The following EPHX2 variants were observed in gnomAD, a reference collection of about 807,000 sequenced individuals.
EPHX2 encodes the protein epoxide hydrolase 2, also known as bifunctional epoxide hydrolase 2.
EPHX2 carries 74 observed loss-of-function variants against 78.7 expected under a neutral mutation model. That is an observed-to-expected ratio of 0.94 (90% CI 0.78 to 1.14). The LOEUF is 1.14. EPHX2 is among the 50% of genes most tolerant of loss of function. The pLI, the probability that EPHX2 is intolerant of heterozygous loss-of-function variation, is 0.00. For synonymous variants in EPHX2, 251 were observed against 255.2 expected, an observed-to-expected ratio of 0.98 and a Z score of 0.16; for missense variants, 715 against 702.5, an observed-to-expected ratio of 1.02 and a Z score of -0.20.
At chr8:27,542,806 G>A (rs1405779732) in intron 16 of EPHX2, among the ~76,000 whole-genome samples, 2 of 151,956 alleles carry the variant, frequency 1.3e-5, no homozygotes, top group African/African-American at 2.4e-5. Flanking sequence ...CACACCCAGC[G>A]AATTTTTTGT....
Position 27,541,478 on chromosome 8 carries a change from C to A in EPHX2, c.1385C>A (p.Pro462His), listed in dbSNP as rs1268059740. ...QQFKKSGFRG[P>H]LNWYRNMERN... ...ACTTTCTGATCTCTCCCCAGAGGTC[C>A]TCTAAACTGGTACCGAAACATGGAA... The change falls in exon 16 of 19, where the codon CCT (proline) becomes CAT (histidine). Residue 462 changes from proline (P) to histidine (H), a missense_variant. By Grantham distance (77) the Pro-to-His change is moderately conservative (BLOSUM62 -2). Coordinates refer to ENST00000521400, the MANE Select transcript of EPHX2 (RefSeq NM_001979.6). 2 of 1,614,110 alleles carry A rather than the reference C, an allele frequency of 1.2e-6. No homozygotes were observed. Among genetic ancestry groups the A allele is most frequent in the East Asian group, 4.5e-5 (2 of 44,896 alleles).
rs189907991 is a variant in EPHX2, at chr8:27,542,138, T to C, written c.1449+596T>C. ...GCTAGGCCTTCATCAGCTCACTCAG[T>C]AGCCATGGTTACCTTGTTGGTTCAC... On this transcript the variant is annotated intron_variant, in intron 16 of 18. Transcript: ENST00000521400. 6.9e-4 allele frequency among the ~76,000 whole-genome samples: 105 copies of C among 152,288 alleles called. No individual in the cohort carries two copies. In the East Asian group the frequency reaches 0.01, roughly 15 times the overall value.
chr8:27,544,238 T>C lies in EPHX2; in HGVS notation c.1583T>C (p.Met528Thr), dbSNP rs775734470. The C allele has an allele frequency of 3.1e-6, 5 of 1,614,048 alleles. No individual in the cohort carries two copies. In the African/African-American group the frequency reaches 5.3e-5, roughly 17 times the overall value. ...HIEDCGHWTQ[M>T]DKPTEVNQIL... ...GAGGACTGTGGGCACTGGACACAGATGGACAAGTAAGGAGGTTGGGGGCTC... is the reference window on the plus strand; with the variant it reads ...GAGGACTGTGGGCACTGGACACAGACGGACAAGTAAGGAGGTTGGGGGCTC... Residue 528 changes from methionine to threonine, a missense_variant, in exon 18 of 19, where the codon ATG (methionine) becomes ACG (threonine). Met to Thr is a moderately conservative substitution (Grantham distance 81). Transcript: ENST00000521400.
chr8:27,538,540 C>A (rs1563362881), intron 13 of EPHX2, 119 bp from the exon 14 acceptor site: 2 of 908,180 alleles, frequency 2.2e-6, no homozygotes, highest in Non-Finnish European at 1.7e-6. Flanking sequence ...TTTGTCATAA[C>A]AGGGTTTTCA....
At chr8:27,520,023 TAAGC>T (rs1814591626) in intron 9 of EPHX2, among the ~76,000 whole-genome samples, 1 of 150,448 alleles carries the variant, frequency 6.6e-6, no homozygotes. Flanking sequence ...TTTTTTTTAA[TAAGC>T]AACAGGGTCT....
At chr8:27,513,221 T>G (rs72475827) in intron 6 of EPHX2, among the ~76,000 whole-genome samples, 4,227 of 152,246 alleles carry the variant, frequency 0.028, 193 homozygotes, top group African/African-American at 0.095. Flanking sequence ...GTTTGCATAG[T>G]AAGAAAAGGC....
chr8:27,539,011 G>A, intron 14 of EPHX2: 2 of 296,726 alleles, frequency 6.7e-6, no homozygotes, highest in East Asian at 1.3e-4. Flanking sequence ...CTCTATGGGG[G>A]TCACCTCGTG....
chr8:27,491,154 C>A lies in EPHX2; in HGVS notation c.-55C>A, dbSNP rs1481602823. 9 of 1,504,976 alleles carry A rather than the reference C, an allele frequency of 6.0e-6. No homozygotes were observed. Among genetic ancestry groups the A allele is most frequent in the Non-Finnish European group, 7.1e-6 (8 of 1,125,672 alleles). The allele number at this position is 1,504,976 out of a possible 1,614,324, so 93.2% of individuals were successfully genotyped here. ...TGGGCGGGTCATGCGCCCTGGCCTT[C>A]GCGCATCTCCCAGGTTAGCTGCGTG... On this transcript the variant is annotated 5_prime_UTR_variant, in exon 1 of 19. Transcript: ENST00000521400.
intron 9 of EPHX2, 151 bp from the exon 10 acceptor site, chr8:27,520,732 G>T: frequency 1.1e-6 from 1 of 882,718 alleles, no homozygotes; most frequent in Non-Finnish European, 1.9e-6. Flanking sequence ...TCTCCTTAAA[G>T]GCTGTATCTT....
At chr8:27,522,565 G>C in intron 11 of EPHX2, 57 bp downstream of exon 11, 3 of 1,556,680 alleles carry the variant, frequency 1.9e-6, no homozygotes, top group Non-Finnish European at 2.7e-6. Context: ...ACTCCTGTGA[G>C]AATTGTTCCT....
At chr8:27,524,533 T>G (rs894204315) in intron 11 of EPHX2, among the ~76,000 whole-genome samples, 1 of 152,228 alleles carries the variant, frequency 6.6e-6, no homozygotes, top group Non-Finnish European at 1.5e-5. Flanking sequence ...ACTGCCTTTC[T>G]GTTGTTATTT....
chr8:27,518,072 G>C lies in EPHX2; in HGVS notation c.945G>C (p.Lys315Asn). The C allele has an allele frequency of 6.3e-7, 1 of 1,598,552 alleles. No individual in the cohort carries two copies. Among genetic ancestry groups the C allele is most frequent in the East Asian group, 2.2e-5 (1 of 44,586 alleles). ...IEEYCMEVLC[K>N]EMVTFLDKLG... ...AATATTGCATGGAAGTGTTATGTAA[G>C]GTAAGAAGAATCTTGGGTAACATCT... The change falls in exon 9 of 19, where the codon AAG (lysine) becomes AAC (asparagine). Residue 315 changes from lysine (K) to asparagine (N), a missense_variant and splice_region_variant. Coordinates refer to ENST00000521400, the MANE Select transcript of EPHX2 (RefSeq NM_001979.6).
At chr8:27,543,450 T>A (rs1563365724) in intron 16 of EPHX2, among the ~76,000 whole-genome samples, 2 of 152,164 alleles carry the variant, frequency 1.3e-5, no homozygotes, top group Non-Finnish European at 2.9e-5. Flanking sequence ...GGAATCTTGA[T>A]CTTCATTCAA....
intron 12 of EPHX2, among the ~76,000 whole-genome samples, chr8:27,528,862 C>G (rs1281095891): frequency 6.6e-6 from 1 of 152,182 alleles, no homozygotes; most frequent in Non-Finnish European, 1.5e-5. Context: ...GTGGCACAAT[C>G]TCGGCTCACT....
At chr8:27,510,483 C>T (rs555010799) in intron 5 of EPHX2, among the ~76,000 whole-genome samples, 6 of 152,260 alleles carry the variant, frequency 3.9e-5, no homozygotes, top group Admixed American at 2.0e-4. Context: ...TGGCACCTGC[C>T]GGTGGAAGGC....
At chr8:27,543,009 C>A (rs1815458076) in intron 16 of EPHX2, among the ~76,000 whole-genome samples, 2 of 136,032 alleles carry the variant, frequency 1.5e-5, no homozygotes, top group South Asian at 3.0e-4. Context: ...CATCCTCTCC[C>A]CCCCCCGCCC....
At chr8:27,538,778 C>A in intron 14 of EPHX2, 86 bp downstream of exon 14, 1 of 1,472,654 alleles carries the variant, frequency 6.8e-7, no homozygotes, top group Non-Finnish European at 9.5e-7. Context: ...TGGGCAGAAG[C>A]CCTGAGCTCT....
intron 1 of EPHX2, among the ~76,000 whole-genome samples, chr8:27,492,188 C>A (rs757497818): frequency 6.6e-6 from 1 of 152,074 alleles, no homozygotes; most frequent in Non-Finnish European, 1.5e-5. Context: ...AGTCCATGTC[C>A]GGAGCCTTTG....
chr8:27,548,059 C>G (rs2640727), downstream of EPHX2, among the ~76,000 whole-genome samples: 6,545 of 152,060 alleles, frequency 0.043, 253 homozygotes, highest in East Asian at 0.21. Flanking sequence ...GTGCTGCTCC[C>G]GGGAGGAGGC....
Sources: gnomAD v4.1 joint callset for allele counts (sites outside exome capture counted in the v4.1 genomes callset) on GRCh38, gnomAD v4.1.1 for gene constraint, MANE v1.5 for transcripts, NCBI Gene and HGNC (gene_info 2026-07-23, HGNC 2026-07-21) for gene names.